The following PIGF variants were observed in gnomAD, a reference collection of about 807,000 sequenced individuals.
PIGF encodes phosphatidylinositol glycan anchor biosynthesis class F, also known as GPI ethanolamine phosphate transferase, stabilizing subunit.
A neutral mutation model predicts 26.0 loss-of-function variants in PIGF; 23 were observed. That is an observed-to-expected ratio of 0.88 (90% CI 0.64 to 1.25). The LOEUF (loss-of-function observed/expected upper bound fraction) is 1.25, where lower values mean the gene tolerates loss of function less well. Among genes scored for constraint, PIGF ranks in the 50% most tolerant of loss-of-function variants. The pLI is 0.00. For missense variants in PIGF, 278 were observed against 249.9 expected, an observed-to-expected ratio of 1.11 and a Z score of -0.76; for synonymous variants, 93 against 92.6, an observed-to-expected ratio of 1.00 and a Z score of -0.03.
At chr2:46,611,929 T>C (rs1670432431) in intron 4 of PIGF, among the ~76,000 whole-genome samples, 1 of 151,906 alleles carries the variant, frequency 6.6e-6, no homozygotes, top group South Asian at 2.1e-4. Flanking sequence ...GGCTTTCTTT[T>C]AATAGTAGAA....
chr2:46,612,347 AG>A lies in PIGF; in HGVS notation c.321-4del. 1 of 1,133,908 alleles carries A rather than the reference AG, an allele frequency of 8.8e-7. No individual in the cohort carries two copies. Among genetic ancestry groups the A allele is most frequent in the Non-Finnish European group, 1.3e-6 (1 of 798,750 alleles). 70.2% of individuals were successfully genotyped at this position (1,133,908 alleles called of 1,614,324 possible). ...ATAAAAATGTTTCCAATGCCAACCT[AG>A]AAAAAAAAAAAGATTACTTTTTAAA... On this transcript the variant is annotated splice_polypyrimidine_tract_variant and splice_region_variant and intron_variant, in intron 3 of 5. Transcript: ENST00000281382.
At position 46,587,240 on chromosome 2, in the gene PIGF, C is replaced by T. The variant is rs191514839; in HGVS notation, c.546+5235G>A. ...CTTTGGTAATGGAAATACCAATTAA[C>T]GTAAAAACCTGCAGCTCTTCAATCA... On this transcript the variant is annotated intron_variant, in intron 5 of 5. Transcript: ENST00000281382. Among the ~76,000 whole-genome samples, 20 of 152,200 alleles carry T rather than the reference C, an allele frequency of 1.3e-4. No individual in the cohort carries two copies. The East Asian group carries it at 1.5e-3, about 12-fold the overall frequency.
At position 46,596,168 on chromosome 2, in the gene PIGF, G is replaced by A. The variant is rs183499576; in HGVS notation, c.438-3585C>T. On this transcript the variant is annotated intron_variant, in intron 4 of 5. Coordinates refer to ENST00000281382, the MANE Select transcript of PIGF (RefSeq NM_002643.4). ...GGCGGAGGTTGTCGTGAGCCGAGAC[G>A]ATGCCATTATACTCCAGCCTGGCGA... 1.7e-3 allele frequency among the ~76,000 whole-genome samples: 245 copies of A among 147,086 alleles called. 2 individuals are homozygous for A. Among genetic ancestry groups the A allele is most frequent in the African/African-American group, 5.8e-3 (229 of 39,258 alleles).
intron 5 of PIGF, 68 bp from the exon 6 acceptor site, chr2:46,581,659 C>G: frequency 1.3e-6 from 2 of 1,537,692 alleles, no homozygotes; most frequent in Non-Finnish European, 8.8e-7. Flanking sequence ...CAAGTGTAAC[C>G]TAAATATTTC....
intron 1 of PIGF, chr2:46,615,508 T>G (rs1368005884): frequency 5.5e-6 from 1 of 182,766 alleles, no homozygotes; most frequent in Non-Finnish European, 1.2e-5. Flanking sequence ...TTGGCCAATA[T>G]CAAAGAGATG....
chr2:46,615,517 T>C (rs1670589037), intron 1 of PIGF: 1 of 177,888 alleles, frequency 5.6e-6, no homozygotes, highest in Admixed American at 5.5e-5. Context: ...ATCAAAGAGA[T>C]GAAATCAACT....
intron 4 of PIGF, among the ~76,000 whole-genome samples, chr2:46,595,303 ACT>A: frequency 6.6e-6 from 1 of 152,246 alleles, no homozygotes; most frequent in South Asian, 2.1e-4. Flanking sequence ...CCACTAAGCT[ACT>A]TTCTGTCTCT....
At chr2:46,613,173 T>C (rs931633323) in intron 3 of PIGF, among the ~76,000 whole-genome samples, 24 of 152,078 alleles carry the variant, frequency 1.6e-4, no homozygotes, top group Admixed American at 6.6e-5. Context: ...CAAACTATGA[T>C]AAACATTATG....
intron 5 of PIGF, among the ~76,000 whole-genome samples, chr2:46,591,112 A>G (rs1376453649): frequency 6.6e-6 from 1 of 152,254 alleles, no homozygotes; most frequent in East Asian, 1.9e-4. Context: ...TAATGACCAT[A>G]TTTGATAATA....
chr2:46,582,719 C>T (rs1418919896), intron 5 of PIGF: 2 of 152,564 alleles, frequency 1.3e-5, no homozygotes, highest in East Asian at 1.9e-4. Context: ...GAACACTAAA[C>T]TTTTATACTT....
rs957305583 is a variant in PIGF at position 46,588,298 on chromosome 2, G to A, written c.546+4177C>T. 9 of 1,276,326 alleles carry A rather than the reference G, an allele frequency of 7.1e-6. No individual in the cohort carries two copies. Among genetic ancestry groups the A allele is most frequent in the Non-Finnish European group, 9.4e-6 (9 of 953,778 alleles). The allele number at this position is 1,276,326 out of a possible 1,614,324, so 79.1% of individuals were successfully genotyped here. On this transcript the variant is annotated intron_variant, in intron 5 of 5. Transcript: ENST00000281382. This position sits in a 1 kb window ranked among gnomAD's most constrained non-coding sequence, Gnocchi z 4.1. ...ACTCTACCAACTGAAAGACTGCTGG[G>A]CAGAAAAAATAAAACAACAAACTGA...
chr2:46,609,701 G>C (rs967491388), intron 4 of PIGF, among the ~76,000 whole-genome samples: 1 of 152,112 alleles, frequency 6.6e-6, no homozygotes, highest in Non-Finnish European at 1.5e-5. Flanking sequence ...GGGAGAGAGA[G>C]GGAGGGTGGG....
intron 1 of PIGF, chr2:46,616,299 T>G (rs1670624906): frequency 6.6e-6 from 1 of 152,326 alleles, no homozygotes; most frequent in South Asian, 2.1e-4. Context: ...AAGGGAAAGT[T>G]TCCCATAGAT....
At chr2:46,609,476 G>A (rs1670335871) in intron 4 of PIGF, among the ~76,000 whole-genome samples, 1 of 152,078 alleles carries the variant, frequency 6.6e-6, no homozygotes, top group African/African-American at 2.4e-5. Context: ...CTTTTCCTTT[G>A]CATTCACAAC....
chr2:46,588,080 A>C lies in PIGF; in HGVS notation c.546+4395T>G, dbSNP rs374861008. On this transcript the variant is annotated intron_variant, in intron 5 of 5. Coordinates refer to ENST00000281382, the MANE Select transcript of PIGF (RefSeq NM_002643.4). This position sits in a 1 kb window ranked among gnomAD's most constrained non-coding sequence, Gnocchi z 4.1. ...AAAATGGGAGTAAAACCTACCTTGC[A>C]CTACGGTTGTCAGGATTAAGTTACT... is the stretch of plus-strand genomic sequence containing the variant. 2.5e-6 allele frequency: 4 copies of C among 1,582,246 alleles called. No individual in the cohort carries two copies. Among genetic ancestry groups the C allele is most frequent in the Non-Finnish European group, 3.4e-6 (4 of 1,163,114 alleles).
intron 2 of PIGF, chr2:46,614,070 C>T (rs1670524781): frequency 4.0e-6 from 1 of 250,852 alleles, no homozygotes; most frequent in Admixed American, 5.6e-5. Flanking sequence ...AGAGCTATGT[C>T]ATTAATCAAT....
At chr2:46,596,599 C>G (rs1236753301) in intron 4 of PIGF, among the ~76,000 whole-genome samples, 3 of 152,050 alleles carry the variant, frequency 2.0e-5, no homozygotes, top group African/African-American at 7.2e-5. Context: ...CTCCCCACTC[C>G]TGATGTCTGC....
At chr2:46,592,898 T>C (rs990635784) in intron 4 of PIGF, among the ~76,000 whole-genome samples, 1 of 152,220 alleles carries the variant, frequency 6.6e-6, no homozygotes, top group Non-Finnish European at 1.5e-5. Flanking sequence ...ACTGCTATTA[T>C]GCTAAATTAT....
At chr2:46,612,919 A>G (rs1670472352) in intron 3 of PIGF, among the ~76,000 whole-genome samples, 1 of 152,158 alleles carries the variant, frequency 6.6e-6, no homozygotes. Context: ...TGTGCCAGAC[A>G]CATTCATTCT....
Sources: allele counts gnomAD v4.1 joint callset (sites outside exome capture counted in the v4.1 genomes callset), GRCh38; gene constraint gnomAD v4.1.1; non-coding constraint Gnocchi (gnomAD v3.1); transcripts MANE v1.5; gene names NCBI Gene and HGNC (gene_info 2026-07-23, HGNC 2026-07-21).